The following RHEX variants were observed in gnomAD, a reference collection of about 807,000 sequenced individuals.
RHEX encodes the protein regulator of hemoglobinization and erythroid cell expansion, also known as regulator of hemoglobinization and erythroid cell expansion protein.
RHEX carries 18 observed loss-of-function variants against 20.1 expected under a neutral mutation model. That is an observed-to-expected ratio of 0.90 (90% CI 0.62 to 1.33). The LOEUF (loss-of-function observed/expected upper bound fraction) is 1.33, where lower values mean the gene tolerates loss of function less well. RHEX is among the 40% of genes most tolerant of loss of function. RHEX has a pLI of 0.00. For missense variants in RHEX, 192 were observed against 214.3 expected, an observed-to-expected ratio of 0.90 and a Z score of 0.65; for synonymous variants, 87 against 77.1, an observed-to-expected ratio of 1.13 and a Z score of -0.67.
intron 1 of RHEX, among the ~76,000 whole-genome samples, chr1:206,058,066 CA>C (rs1460037936): frequency 2.0e-5 from 3 of 152,240 alleles, no homozygotes; most frequent in East Asian, 1.9e-4. Flanking sequence ...CATAGATGAT[CA>C]GGGGCAAGTA....
At chr1:206,058,100 T>C (rs933713910) in intron 1 of RHEX, among the ~76,000 whole-genome samples, 7 of 152,360 alleles carry the variant, frequency 4.6e-5, no homozygotes, top group Non-Finnish European at 8.8e-5. Flanking sequence ...GTTAAAGATA[T>C]AACAAAACTG....
chr1:206,102,060 T>C lies in RHEX; in HGVS notation c.*108T>C. ...ACAAGGCATGGGGCTCACAAGTCTA[T>C]GGAGACAGGCCAAAAAGAATGTGGA... On this transcript the variant is annotated 3_prime_UTR_variant, in exon 6 of 6. Transcript: ENST00000331555. The C allele has an allele frequency of 1.1e-6, 1 of 892,746 alleles. No individual in the cohort carries two copies. The highest frequency in any genetic ancestry group is 2.1e-5 in the Admixed American group (1 of 47,702). 55.3% of individuals were successfully genotyped at this position (892,746 alleles called of 1,614,324 possible).
chr1:206,074,619 C>T (rs748490342), intron 1 of RHEX, among the ~76,000 whole-genome samples: 2 of 152,158 alleles, frequency 1.3e-5, no homozygotes, highest in Non-Finnish European at 2.9e-5. Context: ...ATTTTCATCA[C>T]CCCTAAAGGA....
intron 4 of RHEX, among the ~76,000 whole-genome samples, chr1:206,100,904 A>G: frequency 6.6e-6 from 1 of 152,260 alleles, no homozygotes; most frequent in East Asian, 1.9e-4. Context: ...CCTCTTGGAC[A>G]TGTCCCTGCC....
chr1:206,093,376 A>T (rs1662997640), intron 1 of RHEX, among the ~76,000 whole-genome samples: 1 of 151,738 alleles, frequency 6.6e-6, no homozygotes, highest in Non-Finnish European at 1.5e-5. Context: ...GGTTCAAGCA[A>T]TTCTCTGCCT....
At chr1:206,071,382 C>A (rs1189585397) in intron 1 of RHEX, among the ~76,000 whole-genome samples, 1 of 152,110 alleles carries the variant, frequency 6.6e-6, no homozygotes, top group Non-Finnish European at 1.5e-5. Context: ...TTCTCCCAGT[C>A]CACTGACTCA....
chr1:206,092,922 C>T (rs990042349), intron 1 of RHEX, among the ~76,000 whole-genome samples: 3 of 152,208 alleles, frequency 2.0e-5, no homozygotes, highest in East Asian at 3.9e-4. Context: ...GCTTTCTTTT[C>T]GCCTTACTTC....
intron 1 of RHEX, among the ~76,000 whole-genome samples, chr1:206,064,261 G>T (rs1168302855): frequency 1.5e-5 from 2 of 136,630 alleles, no homozygotes; most frequent in Non-Finnish European, 3.2e-5. Flanking sequence ...GGAGGGAGGT[G>T]GGGGGGGTCA....
chr1:206,055,808 T>C (rs951980077), intron 1 of RHEX, among the ~76,000 whole-genome samples: 2 of 152,248 alleles, frequency 1.3e-5, no homozygotes, highest in African/African-American at 4.8e-5. Flanking sequence ...AAAGTGGCAG[T>C]TGGAGTTTTA....
chr1:206,100,095 A>G (rs1021934318), intron 4 of RHEX, among the ~76,000 whole-genome samples: 1 of 152,150 alleles, frequency 6.6e-6, no homozygotes. Context: ...AAGCCATGGC[A>G]TCTTTTCTTC....
chr1:206,056,623 G>GC, intron 1 of RHEX, among the ~76,000 whole-genome samples: 2 of 152,222 alleles, frequency 1.3e-5, no homozygotes, highest in Admixed American at 1.3e-4. Context: ...AGCCTCCCAT[G>GC]ATCACAGTTT....
intron 1 of RHEX, among the ~76,000 whole-genome samples, chr1:206,072,829 C>CTTTTT (rs71152466): frequency 4.1e-5 from 5 of 121,648 alleles, no homozygotes; most frequent in African/African-American, 1.3e-4. Flanking sequence ...CCTCCTGTGT[C>CTTTTT]TTTTTTTTTT....
chr1:206,094,043 C>T (rs947365962), intron 1 of RHEX, among the ~76,000 whole-genome samples: 9 of 152,116 alleles, frequency 5.9e-5, no homozygotes, highest in African/African-American at 2.2e-4. Context: ...TGTCAAAATT[C>T]AGCACAGTGG....
At chr1:206,082,294 A>G (rs28760465) in intron 1 of RHEX, among the ~76,000 whole-genome samples, 94,322 of 151,812 alleles carry the variant, frequency 0.62, 31,876 homozygotes, top group African/African-American at 0.9. Context: ...GAGGCGGGTG[A>G]AGCACGATGT....
intron 1 of RHEX, among the ~76,000 whole-genome samples, chr1:206,083,343 C>G (rs1256583467): frequency 6.6e-6 from 1 of 152,138 alleles, no homozygotes; most frequent in South Asian, 2.1e-4. Flanking sequence ...ATGTGTGCCA[C>G]AGGGAGAGAA....
chr1:206,061,560 A>T (rs1056510453), intron 1 of RHEX: 2 of 152,168 alleles, frequency 1.3e-5, no homozygotes, highest in Non-Finnish European at 2.9e-5. Flanking sequence ...AGAACTCAGC[A>T]TTCTACTTGC....
intron 1 of RHEX, among the ~76,000 whole-genome samples, chr1:206,095,645 C>T (rs1351597789): frequency 7.2e-5 from 11 of 152,022 alleles, no homozygotes; most frequent in East Asian, 5.8e-4. Context: ...GGAGAAACCC[C>T]GTCTCTACTG....
At chr1:206,096,792 T>G (rs1553287752) in intron 1 of RHEX, among the ~76,000 whole-genome samples, 1 of 151,070 alleles carries the variant, frequency 6.6e-6, no homozygotes, top group Non-Finnish European at 1.5e-5. Context: ...TTTTTTTTTT[T>G]GAGACAGGGT....
chr1:206,075,331 C>G (rs190578170), intron 1 of RHEX, among the ~76,000 whole-genome samples: 1 of 152,216 alleles, frequency 6.6e-6, no homozygotes, highest in African/African-American at 2.4e-5. Context: ...AAATGAAGAC[C>G]TCAATCATGT....
Sources: gnomAD v4.1 joint callset for allele counts (sites outside exome capture counted in the v4.1 genomes callset) on GRCh38, gnomAD v4.1.1 for gene constraint, MANE v1.5 for transcripts, NCBI Gene and HGNC (gene_info 2026-07-23, HGNC 2026-07-21) for gene names.